The following CFAP44 variants were observed in gnomAD, a reference collection of about 807,000 sequenced individuals.
The protein encoded by CFAP44 is cilia and flagella associated protein 44.
A neutral mutation model predicts 216.2 loss-of-function variants in CFAP44; 134 were observed. The ratio of observed to expected loss-of-function variants is 0.62; its 90% confidence interval spans 0.54 to 0.72. The LOEUF (loss-of-function observed/expected upper bound fraction) is 0.72. Ranked by LOEUF, CFAP44 falls within the 30% of genes least tolerant of loss-of-function variation. The pLI, the probability that CFAP44 is intolerant of heterozygous loss-of-function variation, is 0.00. For missense variants in CFAP44, 2,035 were observed against 2,182.1 expected (o/e 0.93, Z 1.34); for synonymous variants, 700 against 727.6 (o/e 0.96, Z 0.61).
At chr3:113,346,422 T>TA (rs1950383111) in intron 22 of CFAP44, among the ~76,000 whole-genome samples, 1 of 151,900 alleles carries the variant, frequency 6.6e-6, no homozygotes, top group Admixed American at 6.6e-5. Flanking sequence ...CAGCACTCTG[T>TA]AAAAAAGCAC....
intron 22 of CFAP44, among the ~76,000 whole-genome samples, chr3:113,348,320 A>C (rs1950409194): frequency 1.3e-5 from 2 of 152,158 alleles, no homozygotes; most frequent in African/African-American, 4.8e-5. Flanking sequence ...TTGACCCACA[A>C]ACCCTGAAAA....
chr3:113,368,778 TA>T (rs1933046776), intron 18 of CFAP44, among the ~76,000 whole-genome samples: 2 of 152,190 alleles, frequency 1.3e-5, no homozygotes, highest in Admixed American at 1.3e-4. Flanking sequence ...ATGCTCCAAT[TA>T]AAAGATACAA....
intron 18 of CFAP44, among the ~76,000 whole-genome samples, chr3:113,368,178 C>T (rs1933025895): frequency 6.6e-6 from 1 of 152,164 alleles, no homozygotes; most frequent in Non-Finnish European, 1.5e-5. Flanking sequence ...AGGATATCAT[C>T]CAGGAGAACT....
chr3:113,296,960 A>T, intron 32 of CFAP44, 75 bp from the exon 33 acceptor site: 1 of 1,479,652 alleles, frequency 6.8e-7, no homozygotes, highest in Non-Finnish European at 9.1e-7. Context: ...GAACAATAAC[A>T]TTCTAAGGAA....
intron 28 of CFAP44, among the ~76,000 whole-genome samples, chr3:113,312,075 T>G (rs113791617): frequency 0.072 from 6,150 of 85,864 alleles, 148 homozygotes; most frequent in East Asian, 0.2. Context: ...GTGTGTGTGT[T>G]TTTTTTTTTT....
At chr3:113,333,335 G>A in intron 25 of CFAP44, 71 bp downstream of exon 25, 1 of 1,303,916 alleles carries the variant, frequency 7.7e-7, no homozygotes, top group Non-Finnish European at 1.0e-6. Context: ...AGGGAAATGA[G>A]TGGTTTTAGC....
At chr3:113,410,062 T>C (rs1168650119) in intron 6 of CFAP44, among the ~76,000 whole-genome samples, 1 of 152,224 alleles carries the variant, frequency 6.6e-6, no homozygotes, top group Non-Finnish European at 1.5e-5. Context: ...AGAATAACTA[T>C]GAGTATTCTC....
rs891354589 is a variant in CFAP44, at chr3:113,290,258, C to T, written c.*1299G>A. The T allele has an allele frequency of 6.6e-6, 1 of 151,954 alleles. No individual in the cohort carries two copies. The highest frequency in any genetic ancestry group is 2.4e-5 in the African/African-American group (1 of 41,362). 9.4% of individuals were successfully genotyped at this position (151,954 alleles called of 1,614,324 possible). ...AGAAATTAATGGTGACAAGTGCAAA[C>T]AATAAGGTATTCTGACCTCTTAAAT... On this transcript the variant is annotated 3_prime_UTR_variant, in exon 35 of 35. Transcript: ENST00000393845.
At chr3:113,310,519 A>G (rs772869837) in intron 28 of CFAP44, among the ~76,000 whole-genome samples, 2 of 152,232 alleles carry the variant, frequency 1.3e-5, no homozygotes, top group Non-Finnish European at 2.9e-5. Flanking sequence ...AATTTGAGTA[A>G]AACAGAAAAT....
intron 28 of CFAP44, among the ~76,000 whole-genome samples, chr3:113,317,834 A>G (rs1950103020): frequency 1.3e-5 from 2 of 152,196 alleles, no homozygotes; most frequent in Non-Finnish European, 2.9e-5. Context: ...GTCTTTTTGC[A>G]AGGGGGCCCC....
chr3:113,434,464 G>A (rs933647268), intron 1 of CFAP44: 1 of 152,180 alleles, frequency 6.6e-6, no homozygotes. Flanking sequence ...TCTAAGCTTT[G>A]CTAAGAAGTT....
At position 113,305,101 on chromosome 3, in the gene CFAP44, A is replaced by T; in HGVS notation, c.4810T>A (p.Tyr1604Asn). Residue 1604 changes from tyrosine to asparagine, a missense_variant, in exon 31 of 35, where the codon TAT becomes AAT. Coordinates refer to ENST00000393845, the MANE Select transcript of CFAP44 (RefSeq NM_001164496.2). ...LNAAEEALEAYQREKQQRLNE... is the reference protein window; with the variant it reads ...LNAAEEALEANQREKQQRLNE... ...AGCCGCTGCTGCTTCTCTCGCTGAT[A>T]AGCCTCCAGGGCCTCCTCTGCTGCA... 6.5e-7 allele frequency: 1 copy of T among 1,537,258 alleles called. No homozygotes were observed. The highest frequency in any genetic ancestry group is 8.7e-7 in the Non-Finnish European group (1 of 1,146,916).
intron 1 of CFAP44, among the ~76,000 whole-genome samples, chr3:113,435,559 G>C (rs941202735): frequency 4.0e-5 from 6 of 151,388 alleles, no homozygotes; most frequent in African/African-American, 1.5e-4. Context: ...CAGCCAAACT[G>C]TCTCTAAAAA....
chr3:113,342,039 G>A, intron 23 of CFAP44, 121 bp from the exon 24 acceptor site: 2 of 1,211,394 alleles, frequency 1.7e-6, no homozygotes, highest in Non-Finnish European at 2.2e-6. Context: ...GTAAATCAAA[G>A]TATTTATTGA....
chr3:113,406,993 T>C lies in CFAP44; in HGVS notation c.939A>G (p.Ser313=). The C allele has an allele frequency of 6.2e-7, 1 of 1,614,180 alleles. No homozygotes were observed. The highest frequency in any genetic ancestry group is 8.5e-7 in the Non-Finnish European group (1 of 1,180,028). ...TGATTGTTTTGCCAAATCGACCTAG[T>C]GATCCCTGCAGCTTGAGACCGGTGA... ...FTFTGLKLQG[S]LGRFGKTITT... is the part of the protein sequence containing the mutation. The change falls in exon 8 of 35, where the codon TCA becomes TCG. Residue 313 remains serine, a synonymous_variant. Coordinates refer to ENST00000393845, the MANE Select transcript of CFAP44 (RefSeq NM_001164496.2).
At chr3:113,359,936 T>C (rs1950522232) in intron 21 of CFAP44, among the ~76,000 whole-genome samples, 1 of 152,226 alleles carries the variant, frequency 6.6e-6, no homozygotes, top group Non-Finnish European at 1.5e-5. Flanking sequence ...AACCGGGTAC[T>C]GTCTTTTCAA....
At chr3:113,387,293 T>C in intron 15 of CFAP44, among the ~76,000 whole-genome samples, 1 of 152,012 alleles carries the variant, frequency 6.6e-6, no homozygotes, top group East Asian at 1.9e-4. Context: ...TCCCATCTGC[T>C]TAAGGAGAGG....
At chr3:113,363,423 G>A (rs865838977) in intron 20 of CFAP44, 54 bp downstream of exon 20, 2 of 1,583,016 alleles carry the variant, frequency 1.3e-6, no homozygotes, top group Non-Finnish European at 1.7e-6. Context: ...CTGCACTGTT[G>A]ATTTGTTTTG....
At chr3:113,328,848 C>T (rs1180818842) in intron 26 of CFAP44, among the ~76,000 whole-genome samples, 1 of 151,864 alleles carries the variant, frequency 6.6e-6, no homozygotes. Flanking sequence ...TGGAGGACCA[C>T]ATAGGTCTCC....
Sources: gnomAD v4.1 joint callset for allele counts (sites outside exome capture counted in the v4.1 genomes callset) on GRCh38, gnomAD v4.1.1 for gene constraint, MANE v1.5 for transcripts, NCBI Gene and HGNC (gene_info 2026-07-23, HGNC 2026-07-21) for gene names.